SNX4: variants seen among roughly 807,000 people sequenced by gnomAD.
The protein encoded by SNX4 is sorting nexin 4, also known as sorting nexin-4.
Under a neutral mutation model 70.8 loss-of-function variants are expected in SNX4, and 49 were observed. The ratio of observed to expected loss-of-function variants is 0.69; its 90% CI spans 0.55 to 0.88. The LOEUF (loss-of-function observed/expected upper bound fraction) is 0.88. Among genes scored for constraint, SNX4 ranks in the 40% least tolerant of loss-of-function variants. SNX4 has a pLI of 0.00. For synonymous variants in SNX4, 206 were observed against 183.8 expected (o/e 1.12, Z -0.98); for missense variants, 528 against 544.8 (o/e 0.97, Z 0.31).
rs2107551946 is a variant in SNX4 at position 125,489,339 on chromosome 3, T to C, written c.653+69A>G. Reference sequence around the variant, plus strand: ...CAAATAAAGTGCATACATTCAGAAATGAAAAATTAAATAGATTGATAGCAC... The same window carrying C: ...CAAATAAAGTGCATACATTCAGAAACGAAAAATTAAATAGATTGATAGCAC... On this transcript the variant is annotated intron_variant, in intron 6 of 13. Coordinates refer to ENST00000251775, the MANE Select transcript of SNX4 (RefSeq NM_003794.4). The C allele has an allele frequency of 6.7e-6, 8 of 1,196,604 alleles. No individual in the cohort carries two copies. In the South Asian group the frequency reaches 9.1e-5, roughly 14 times the overall value. 74.1% of individuals were successfully genotyped at this position (1,196,604 alleles called of 1,614,324 possible). A position where few individuals can be genotyped will look rare whatever the true frequency, so the allele number is the denominator to read the frequency against.
In SNX4 at chr3:125,494,300, G is replaced by C. The variant is rs1934731818; in HGVS notation, c.597+3041C>G. 5.3e-5 allele frequency among the ~76,000 whole-genome samples: 8 copies of C among 152,070 alleles called. No homozygotes were observed. The South Asian group carries it at 1.7e-3, about 32-fold the overall frequency. ...ATTAATAAGCAAGAGAGGTAATATG[G>C]GATGGTAATTAAGGAGGGCTTTCAG... On this transcript the variant is annotated intron_variant, in intron 5 of 13. Transcript: ENST00000251775.
intron 2 of SNX4, among the ~76,000 whole-genome samples, chr3:125,500,891 CAAA>C (rs11293773): frequency 4.8e-5 from 6 of 125,804 alleles, no homozygotes; most frequent in Admixed American, 1.6e-4. Context: ...GGCTAATTTA[CAAA>C]AAAAAAAAAA....
At chr3:125,452,110 AT>A (rs111634536) in intron 12 of SNX4, among the ~76,000 whole-genome samples, 249 of 140,630 alleles carry the variant, frequency 1.8e-3, no homozygotes, top group Admixed American at 2.0e-3. Context: ...CACGTTTAGC[AT>A]TTTTTTTTTT....
chr3:125,476,739 G>A lies in SNX4; in HGVS notation c.744C>T (p.Leu248=), dbSNP rs148327567. 1 of 1,593,254 alleles carries A rather than the reference G, an allele frequency of 6.3e-7. No homozygotes were observed. The change falls in exon 8 of 14, where the codon CTC becomes CTT. Residue 248 remains leucine (L), a synonymous_variant. Coordinates refer to ENST00000251775, the MANE Select transcript of SNX4 (RefSeq NM_003794.4). ...TCCCATGTACTTTATATACACCATA[G>A]AGTCGATCTGCTACTCTCTGAAATA... ...LRVRARVADR[L]YGVYKVHGNY...
At chr3:125,489,814 A>G (rs907782589) in intron 5 of SNX4, among the ~76,000 whole-genome samples, 6 of 152,244 alleles carry the variant, frequency 3.9e-5, no homozygotes, top group Non-Finnish European at 7.3e-5. Context: ...TGATACGTAT[A>G]TATAAACTAA....
intron 9 of SNX4, among the ~76,000 whole-genome samples, chr3:125,463,345 T>C (rs1933929780): frequency 6.6e-6 from 1 of 152,144 alleles, no homozygotes; most frequent in African/African-American, 2.4e-5. Context: ...AGAGTTAATG[T>C]GAAGAAAACA....
intron 5 of SNX4, among the ~76,000 whole-genome samples, chr3:125,495,663 G>A (rs901268469): frequency 1.3e-5 from 2 of 152,062 alleles, no homozygotes; most frequent in East Asian, 3.9e-4. Flanking sequence ...TAATGATGGA[G>A]AAACTCCAGA....
intron 11 of SNX4, among the ~76,000 whole-genome samples, chr3:125,456,896 G>A (rs1010151049): frequency 1.3e-5 from 2 of 151,952 alleles, no homozygotes; most frequent in African/African-American, 4.8e-5. Flanking sequence ...CCTGACCTCA[G>A]GTGATCCACT....
intron 6 of SNX4, among the ~76,000 whole-genome samples, chr3:125,488,408 G>A (rs71325846): frequency 2.6e-5 from 4 of 152,156 alleles, no homozygotes; most frequent in South Asian, 2.1e-4. Context: ...CCGGGAGGCA[G>A]AGGTTGCAGT....
chr3:125,457,690 G>C (rs1225471931), intron 10 of SNX4, among the ~76,000 whole-genome samples: 3 of 146,434 alleles, frequency 2.0e-5, no homozygotes, highest in Non-Finnish European at 4.4e-5. Context: ...TGATTCTCCT[G>C]CCTCAGCTTC....
chr3:125,469,981 T>A (rs1395505220), intron 8 of SNX4, among the ~76,000 whole-genome samples: 3 of 152,234 alleles, frequency 2.0e-5, no homozygotes, highest in Non-Finnish European at 4.4e-5. Context: ...GACAACTGTA[T>A]AGAAACAGTA....
intron 1 of SNX4, among the ~76,000 whole-genome samples, chr3:125,510,499 G>GA (rs1468199220): frequency 5.9e-5 from 9 of 152,178 alleles, no homozygotes; most frequent in Non-Finnish European, 4.4e-5. Flanking sequence ...AAAGTGCTGG[G>GA]ATTACAGGCG....
At chr3:125,458,975 A>C (rs922616559) in intron 10 of SNX4, among the ~76,000 whole-genome samples, 26 of 152,208 alleles carry the variant, frequency 1.7e-4, no homozygotes, top group African/African-American at 6.3e-4. Context: ...GGAGTTCAAG[A>C]CCAGCCTGAC....
In SNX4 at chr3:125,453,821, AT is replaced by A. The variant is rs750518794; in HGVS notation, c.1178del (p.Asn393IlefsTer8). The A allele has an allele frequency of 6.2e-7, 1 of 1,613,938 alleles. No individual in the cohort carries two copies. On this transcript the variant is annotated frameshift_variant, in exon 12 of 14. Coordinates refer to ENST00000251775, the MANE Select transcript of SNX4 (RefSeq NM_003794.4). LOFTEE classifies it high-confidence loss of function. ...NEGEQQLKSKNLEGREFVKNA... is the reference protein window; with the variant it reads ...NEGEQQLKSKXLEGREFVKNA... ...CGCAGCATCTTTACCTGCCTTCCAGATTTTTAGACTTTAGCTGTTGTTCTCC... is the reference window on the plus strand; with the variant it reads ...CGCAGCATCTTTACCTGCCTTCCAGATTTTAGACTTTAGCTGTTGTTCTCC...
At chr3:125,499,784 C>T (rs1052496138) in intron 2 of SNX4, among the ~76,000 whole-genome samples, 51 of 138,460 alleles carry the variant, frequency 3.7e-4, no homozygotes, top group Non-Finnish European at 5.0e-4. Flanking sequence ...AAAAAAAAAA[C>T]GCGGTTGGAT....
chr3:125,515,485 G>C (rs1405883096), intron 1 of SNX4, among the ~76,000 whole-genome samples: 1 of 151,204 alleles, frequency 6.6e-6, no homozygotes, highest in Non-Finnish European at 1.5e-5. Context: ...AACATAGGGA[G>C]ATCTTGTCTC....
At chr3:125,453,141 T>C (rs1345612547) in intron 12 of SNX4, among the ~76,000 whole-genome samples, 3 of 152,214 alleles carry the variant, frequency 2.0e-5, no homozygotes, top group South Asian at 4.1e-4. Context: ...CTAAGCCCTA[T>C]GTAAGGCACT....
intron 11 of SNX4, among the ~76,000 whole-genome samples, 160 bp from the exon 12 acceptor site, chr3:125,454,115 C>T (rs1043789517): frequency 6.6e-5 from 10 of 152,150 alleles, no homozygotes; most frequent in African/African-American, 2.2e-4. Context: ...AAGACAGATA[C>T]AAAAAGACAA....
rs945814389 is a variant in SNX4 at position 125,473,423 on chromosome 3, G to GT, written c.788+3271dup. 1.2e-3 allele frequency among the ~76,000 whole-genome samples: 178 copies of GT among 146,718 alleles called. 1 individual carries two copies. The highest frequency in any genetic ancestry group is 6.1e-3 in the South Asian group (28 of 4,590). Reference sequence around the variant, plus strand: ...TCATCTAAACTCAATTCTCTTTTTTGTTTTTTTTTTGAGATGGAGTCTTGC... The same window carrying GT: ...TCATCTAAACTCAATTCTCTTTTTTGTTTTTTTTTTTGAGATGGAGTCTTGC... On this transcript the variant is annotated intron_variant, in intron 8 of 13. Coordinates refer to ENST00000251775, the MANE Select transcript of SNX4 (RefSeq NM_003794.4).
Sources: allele counts gnomAD v4.1 joint callset (sites outside exome capture counted in the v4.1 genomes callset), GRCh38; gene constraint gnomAD v4.1.1; transcripts MANE v1.5; gene names NCBI Gene and HGNC (gene_info 2026-07-23, HGNC 2026-07-21).